Variants in HDAC9 observed in about 807,000 individuals in gnomAD.
HDAC9 encodes MEF-2 interacting transcription repressor (MITR) protein.
In HDAC9, 41 loss-of-function variants were observed where a neutral mutation model predicts 139.4. The ratio of observed to expected loss-of-function variants is 0.29; its 90% CI spans 0.23 to 0.38. The LOEUF is 0.38. Among genes scored for constraint, HDAC9 ranks in the 10% least tolerant of loss-of-function variants. The pLI, the probability that HDAC9 is intolerant of heterozygous loss-of-function variation, is 1.00. For synonymous variants in HDAC9, 517 were observed against 476.2 expected (o/e 1.09, Z -1.12); for missense variants, 1,147 against 1,297.0 (o/e 0.88, Z 1.78).
At chr7:18,795,257 TAAAA>T (rs5882676) in intron 17 of HDAC9, among the ~76,000 whole-genome samples, 26,414 of 66,932 alleles carry the variant, frequency 0.39, 3,380 homozygotes, top group Non-Finnish European at 0.44. Context: ...AAGAAAACAG[TAAAA>T]AAAAAAAAAA....
intron 1 of HDAC9, among the ~76,000 whole-genome samples, chr7:18,152,733 T>C (rs979922719): frequency 2.0e-5 from 3 of 152,228 alleles, no homozygotes; most frequent in Non-Finnish European, 4.4e-5. Context: ...CAAGCAGAGC[T>C]AACTTGCTCC....
At chr7:18,987,784 G>T (rs1344692243) in intron 25 of HDAC9, among the ~76,000 whole-genome samples, 1 of 151,988 alleles carries the variant, frequency 6.6e-6, no homozygotes, top group Non-Finnish European at 1.5e-5. Flanking sequence ...CTTCTTCCTG[G>T]TTTAGTCTTG....
chr7:18,213,270 G>A (rs995421100), intron 2 of HDAC9, among the ~76,000 whole-genome samples: 4 of 152,102 alleles, frequency 2.6e-5, no homozygotes, highest in East Asian at 1.9e-4. Context: ...AGAGAATGAT[G>A]AGCAGTATTC....
intron 16 of HDAC9, among the ~76,000 whole-genome samples, chr7:18,771,185 T>C (rs1790257734): frequency 6.6e-6 from 1 of 152,088 alleles, no homozygotes; most frequent in African/African-American, 2.4e-5. Context: ...AAAGGTTTAA[T>C]GAAGGCACCT....
intron 19 of HDAC9, among the ~76,000 whole-genome samples, chr7:18,834,430 T>C (rs1796075952): frequency 1.3e-5 from 2 of 151,928 alleles, no homozygotes; most frequent in South Asian, 4.1e-4. Context: ...AAAATAATGC[T>C]ATTAGTTCTA....
intron 21 of HDAC9, among the ~76,000 whole-genome samples, chr7:18,860,234 T>G (rs567329341): frequency 2.6e-5 from 4 of 152,088 alleles, no homozygotes; most frequent in African/African-American, 9.6e-5. Context: ...GAGGGGAAAT[T>G]TACTAATGAC....
chr7:18,138,951 T>A (rs1038738655), intron 1 of HDAC9, among the ~76,000 whole-genome samples: 1 of 152,160 alleles, frequency 6.6e-6, no homozygotes, highest in Non-Finnish European at 1.5e-5. Flanking sequence ...TGATTATGTT[T>A]ATGCTTACTA....
At chr7:18,895,162 G>C (rs1480572058) in intron 22 of HDAC9, among the ~76,000 whole-genome samples, 1 of 152,092 alleles carries the variant, frequency 6.6e-6, no homozygotes, top group Non-Finnish European at 1.5e-5. Flanking sequence ...TTTAAAGTGA[G>C]ACCAGTCAGA....
intron 2 of HDAC9, among the ~76,000 whole-genome samples, chr7:18,266,533 G>A (rs916206077): frequency 1.3e-5 from 2 of 152,116 alleles, no homozygotes; most frequent in South Asian, 2.1e-4. Context: ...TTATGTGCAC[G>A]TCCCATCTCA....
At chr7:18,667,060 G>T in intron 12 of HDAC9, 3 of 985,298 alleles carry the variant, frequency 3.0e-6, no homozygotes, top group Non-Finnish European at 3.6e-6. Context: ...AGTAGTCCTA[G>T]GTTATTGTGT....
chr7:18,954,354 A>G (rs1563083567), intron 24 of HDAC9, 124 bp downstream of exon 24: 1 of 755,822 alleles, frequency 1.3e-6, no homozygotes, highest in Non-Finnish European at 2.1e-6. Flanking sequence ...GTTCTTAAGT[A>G]TATATCTTAA....
intron 2 of HDAC9, among the ~76,000 whole-genome samples, chr7:18,201,568 G>A (rs1368969716): frequency 6.6e-6 from 1 of 152,178 alleles, no homozygotes; most frequent in African/African-American, 2.4e-5. Flanking sequence ...GACTAGCTGA[G>A]CAGCACCTCT....
chr7:18,974,602 C>G (rs1015257524), intron 24 of HDAC9, among the ~76,000 whole-genome samples: 6 of 152,166 alleles, frequency 3.9e-5, no homozygotes, highest in Non-Finnish European at 8.8e-5. Flanking sequence ...AATAAGGGAT[C>G]ACAGCAAGTT....
chr7:18,428,227 C>A (rs552907883), intron 1 of HDAC9, among the ~76,000 whole-genome samples: 31 of 152,074 alleles, frequency 2.0e-4, no homozygotes, highest in Non-Finnish European at 2.5e-4. Context: ...TTTTGAGGAA[C>A]CTCTACCGTT....
At chr7:18,965,014 C>T (rs1216607742) in intron 24 of HDAC9, among the ~76,000 whole-genome samples, 1 of 152,060 alleles carries the variant, frequency 6.6e-6, no homozygotes, top group African/African-American at 2.4e-5. Context: ...ATAGTATAGC[C>T]CTCATAAAAG....
chr7:18,149,337 A>G (rs1786578587), intron 1 of HDAC9, among the ~76,000 whole-genome samples: 1 of 149,228 alleles, frequency 6.7e-6, no homozygotes, highest in Non-Finnish European at 1.5e-5. Context: ...TAATTCTTAT[A>G]ATAATTAATA....
At chr7:18,687,341 G>A (rs1782346912) in intron 12 of HDAC9, among the ~76,000 whole-genome samples, 1 of 151,706 alleles carries the variant, frequency 6.6e-6, no homozygotes, top group African/African-American at 2.4e-5. Flanking sequence ...CCCTTTATGT[G>A]TATTTGCTTG....
intron 16 of HDAC9, among the ~76,000 whole-genome samples, chr7:18,781,775 A>G (rs1268565223): frequency 1.3e-5 from 2 of 152,058 alleles, no homozygotes; most frequent in Non-Finnish European, 1.5e-5. Flanking sequence ...GGGAAAAGGT[A>G]ATTATTTTGT....
chr7:18,650,290 A>G (rs769194471), intron 11 of HDAC9, among the ~76,000 whole-genome samples: 8 of 152,138 alleles, frequency 5.3e-5, no homozygotes, highest in Non-Finnish European at 1.2e-4. Context: ...GTTTTGATCT[A>G]GAATTAGGTT....
Sources: gnomAD v4.1 joint callset for allele counts (sites outside exome capture counted in the v4.1 genomes callset) on GRCh38, gnomAD v4.1.1 for gene constraint, MANE v1.5 for transcripts, NCBI Gene and HGNC (gene_info 2026-07-23, HGNC 2026-07-21) for gene names.